Variants in GSK3B observed in about 807,000 individuals in gnomAD.
The protein encoded by GSK3B is glycogen synthase kinase-3 beta.
GSK3B carries 15 observed loss-of-function variants against 56.4 expected under a neutral mutation model. The ratio of observed to expected loss-of-function variants is 0.27; its 90% CI spans 0.18 to 0.41. The LOEUF (loss-of-function observed/expected upper bound fraction) is 0.41, where lower values mean the gene tolerates loss of function less well. Ranked by LOEUF, GSK3B falls within the 10% of genes least tolerant of loss-of-function variation. The probability of loss-of-function intolerance (pLI) is 1.00; values close to 1 mark genes in which losing one functional copy is unlikely to be tolerated. For missense variants in GSK3B, 300 were observed against 513.4 expected, an observed-to-expected ratio of 0.58 and a Z score of 4.02; for synonymous variants, 181 against 188.9, an observed-to-expected ratio of 0.96 and a Z score of 0.34.
At chr3:119,876,725 T>C (rs1326785532) in intron 7 of GSK3B, among the ~76,000 whole-genome samples, 1 of 152,180 alleles carries the variant, frequency 6.6e-6, no homozygotes, top group Non-Finnish European at 1.5e-5. Flanking sequence ...GTGGGATGTT[T>C]AAATGGTAAT....
intron 5 of GSK3B, among the ~76,000 whole-genome samples, chr3:119,913,888 TTTTTAGGCTGCATGAA>T (rs2056758093): frequency 6.6e-6 from 1 of 152,088 alleles, no homozygotes; most frequent in South Asian, 2.1e-4. Flanking sequence ...CTAATCCCTG[TTTTTAGGCTGCATGAA>T]AATTATGACA....
At chr3:120,063,307 T>C (rs1464813553) in intron 1 of GSK3B, among the ~76,000 whole-genome samples, 1 of 152,214 alleles carries the variant, frequency 6.6e-6, no homozygotes, top group Non-Finnish European at 1.5e-5. Context: ...AAAATATCTT[T>C]ATGATAAAAA....
In GSK3B at chr3:120,057,006, G is replaced by A. The variant is rs536728920; in HGVS notation, c.88+36341C>T. On this transcript the variant is annotated intron_variant, in intron 1 of 10. Transcript: ENST00000264235. ...AAAAAAATACAAAAATTAGCAATGC[G>A]TGGTGGCTCATGCCTGTGGTCCCAG... 7.2e-5 allele frequency among the ~76,000 whole-genome samples: 11 copies of A among 152,206 alleles called. No homozygotes were observed. In the East Asian group the frequency reaches 1.4e-3, roughly 19 times the overall value.
intron 3 of GSK3B, among the ~76,000 whole-genome samples, chr3:119,932,213 A>C (rs2056952973): frequency 6.6e-6 from 1 of 152,230 alleles, no homozygotes; most frequent in African/African-American, 2.4e-5. Context: ...TAAGACATCA[A>C]ATGCAGCATC....
chr3:119,865,872 G>C (rs2056176888), intron 8 of GSK3B, among the ~76,000 whole-genome samples: 1 of 151,990 alleles, frequency 6.6e-6, no homozygotes, highest in African/African-American at 2.4e-5. Flanking sequence ...ATATTTGTCA[G>C]GGAATCCTAA....
At chr3:119,896,461 T>A (rs1262030433) in intron 7 of GSK3B, among the ~76,000 whole-genome samples, 1 of 152,068 alleles carries the variant, frequency 6.6e-6, no homozygotes, top group African/African-American at 2.4e-5. Flanking sequence ...ATCAACCAGT[T>A]TTACTTTCCT....
chr3:120,058,829 G>A (rs555611263), intron 1 of GSK3B, among the ~76,000 whole-genome samples: 5 of 151,902 alleles, frequency 3.3e-5, no homozygotes, highest in Non-Finnish European at 7.4e-5. Context: ...GGGCAACATG[G>A]CAAAACCCTG....
At chr3:120,020,892 G>A (rs1405223228) in intron 1 of GSK3B, among the ~76,000 whole-genome samples, 1 of 152,200 alleles carries the variant, frequency 6.6e-6, no homozygotes, top group Non-Finnish European at 1.5e-5. Context: ...TGACAAGAAA[G>A]TAAAACAGCC....
At position 120,094,268 on chromosome 3, in the gene GSK3B, C is replaced by G. The variant is rs991060499; in HGVS notation, c.-834G>C. The G allele has an allele frequency of 1.3e-5, 3 of 225,122 alleles. No individual in the cohort carries two copies. Among genetic ancestry groups the G allele is most frequent in the African/African-American group, 6.7e-5 (3 of 44,466 alleles). The allele number at this position is 225,122 out of a possible 1,614,324, so 13.9% of individuals were successfully genotyped here. A position where few individuals can be genotyped will look rare whatever the true frequency, so the allele number is the denominator to read the frequency against. On this transcript the variant is annotated 5_prime_UTR_variant, in exon 1 of 11. Transcript: ENST00000264235. ...ACAGCTCGGCCGCCCTCCCGCCCCTCGGCTCTGCTCGGTGCCCGCTCAGGA... is the reference window on the plus strand; with the variant it reads ...ACAGCTCGGCCGCCCTCCCGCCCCTGGGCTCTGCTCGGTGCCCGCTCAGGA...
At chr3:119,932,173 T>C (rs1014128766) in intron 3 of GSK3B, among the ~76,000 whole-genome samples, 1 of 152,214 alleles carries the variant, frequency 6.6e-6, no homozygotes, top group Admixed American at 6.5e-5. Context: ...TCTGATGTAA[T>C]GCAATACAAC....
intron 7 of GSK3B, among the ~76,000 whole-genome samples, chr3:119,904,311 A>G (rs899894641): frequency 6.6e-6 from 1 of 152,204 alleles, no homozygotes; most frequent in Non-Finnish European, 1.5e-5. Flanking sequence ...TAGAAAATAA[A>G]GAAAGCAAAC....
chr3:120,058,920 G>C (rs1333111690), intron 1 of GSK3B, among the ~76,000 whole-genome samples: 1 of 151,784 alleles, frequency 6.6e-6, no homozygotes, highest in Admixed American at 6.6e-5. Context: ...TGAGGCAGGA[G>C]GATTGCTTGA....
intron 10 of GSK3B, 79 bp from the exon 11 acceptor site, chr3:119,826,934 C>A: frequency 1.1e-6 from 1 of 880,878 alleles, no homozygotes; most frequent in Admixed American, 1.9e-5. Flanking sequence ...GTTTCAACTG[C>A]AGGCTGTGAA....
chr3:119,922,222 GA>G (rs1179942272), intron 4 of GSK3B, among the ~76,000 whole-genome samples: 5 of 115,472 alleles, frequency 4.3e-5, no homozygotes, highest in East Asian at 2.3e-4. Flanking sequence ...AGGAAGGAAG[GA>G]AGGAGGGAAG....
At chr3:119,903,079 C>T (rs1162945362) in intron 7 of GSK3B, among the ~76,000 whole-genome samples, 2 of 152,154 alleles carry the variant, frequency 1.3e-5, no homozygotes, top group Non-Finnish European at 2.9e-5. Flanking sequence ...GTTTATTAAC[C>T]TTCATGCAAT....
rs571233373 is a variant in GSK3B at position 119,872,146 on chromosome 3, C to T, written c.909+4267G>A. 3.3e-5 allele frequency among the ~76,000 whole-genome samples: 5 copies of T among 152,232 alleles called. No individual in the cohort carries two copies. The East Asian group carries it at 9.6e-4, about 29-fold the overall frequency. ...AAATCCCTAATCAACCCTAACTAGACACTAAACTTTCAAATTCATTGCCTA... is the reference window on the plus strand; with the variant it reads ...AAATCCCTAATCAACCCTAACTAGATACTAAACTTTCAAATTCATTGCCTA... On this transcript the variant is annotated intron_variant, in intron 8 of 10. Transcript: ENST00000264235.
intron 10 of GSK3B, among the ~76,000 whole-genome samples, chr3:119,828,658 A>T (rs2107995115): frequency 6.6e-6 from 1 of 152,350 alleles, no homozygotes; most frequent in East Asian, 1.9e-4. Context: ...AGAGGGAGAC[A>T]CAGAATATCC....
At position 119,843,279 on chromosome 3, in the gene GSK3B, G is replaced by A. The variant is rs369649606; in HGVS notation, c.1171C>T (p.Pro391Ser). The change falls in exon 10 of 11, where the codon CCC becomes TCC. Residue 391 changes from proline (P) to serine (S), a missense_variant. Coordinates refer to ENST00000264235, the MANE Select transcript of GSK3B (RefSeq NM_001146156.2). ...CCTGACGCTGCTGTGGCATTTGTGG[G>A]GGTTGAAGCAGCTGCTTGAATCCGA... ...HARIQAAAST[P>S]TNATAASDAN... 4 of 1,609,340 alleles carry A rather than the reference G, an allele frequency of 2.5e-6. No homozygotes were observed. Among genetic ancestry groups the A allele is most frequent in the African/African-American group, 1.3e-5 (1 of 74,766 alleles).
At chr3:119,828,014 T>G (rs943582193) in intron 10 of GSK3B, among the ~76,000 whole-genome samples, 1 of 152,118 alleles carries the variant, frequency 6.6e-6, no homozygotes, top group African/African-American at 2.4e-5. Flanking sequence ...GTGATGAATA[T>G]CCCATTTACC....
Sources: allele counts gnomAD v4.1 joint callset (sites outside exome capture counted in the v4.1 genomes callset), GRCh38; gene constraint gnomAD v4.1.1; transcripts MANE v1.5; gene names NCBI Gene and HGNC (gene_info 2026-07-23, HGNC 2026-07-21).